CA6: variants seen among roughly 807,000 people sequenced by gnomAD.
CA6 encodes carbonate dehydratase VI.
A neutral mutation model predicts 35.9 loss-of-function variants in CA6; 28 were observed. The ratio of observed to expected loss-of-function variants is 0.78; its 90% CI spans 0.58 to 1.07. CA6 has a LOEUF of 1.07. CA6 is among the 50% of genes least tolerant of loss of function. The pLI is 0.00. For synonymous variants in CA6, 148 were observed against 152.6 expected, an observed-to-expected ratio of 0.97 and a Z score of 0.22; for missense variants, 377 against 382.0, an observed-to-expected ratio of 0.99 and a Z score of 0.11.
At chr1:8,973,621 G>A (rs945898138) in intron 7 of CA6, among the ~76,000 whole-genome samples, 1 of 152,084 alleles carries the variant, frequency 6.6e-6, no homozygotes, top group Non-Finnish European at 1.5e-5. Flanking sequence ...CAGGGAACCC[G>A]AATTGTGGCC....
chr1:8,950,367 C>G (rs1241295646), intron 2 of CA6, among the ~76,000 whole-genome samples: 1 of 152,076 alleles, frequency 6.6e-6, no homozygotes, highest in Non-Finnish European at 1.5e-5. Context: ...AGCCTCATGA[C>G]CACCCCAGGA....
intron 2 of CA6, among the ~76,000 whole-genome samples, chr1:8,950,804 G>A (rs969974711): frequency 5.3e-5 from 8 of 151,854 alleles, no homozygotes; most frequent in African/African-American, 1.9e-4. Flanking sequence ...GGAGGTCAAG[G>A]TTGTGGTGAG....
At chr1:8,946,603 C>T (rs572763779) in intron 1 of CA6, among the ~76,000 whole-genome samples, 10 of 152,102 alleles carry the variant, frequency 6.6e-5, no homozygotes, top group African/African-American at 2.2e-4. Flanking sequence ...ATTTGTAAAA[C>T]CATTTGCTTT....
Position 8,945,963 on chromosome 1 carries a change from C to A in CA6, c.77C>A (p.Ser26Ter). The A allele has an allele frequency of 6.2e-7, 1 of 1,609,612 alleles. No individual in the cohort carries two copies. The highest frequency in any genetic ancestry group is 8.5e-7 in the Non-Finnish European group (1 of 1,176,064). The stretch of plus-strand genomic sequence containing the variant: ...CAGCATGTGTCTGACTGGACCTACT[C>A]AGGTGAGCCCCTAGCTTCTGCATGC... The part of the protein sequence containing the change: ...QAQHVSDWTY[S>*]EGALDEAHWP... The change falls in exon 1 of 8, where the codon TCA (serine) becomes TAA (stop). Residue 26 changes from serine (S) to a stop codon, truncating the protein, a stop_gained and splice_region_variant. Transcript: ENST00000377443. LOFTEE classifies it high-confidence loss of function.
At chr1:8,952,848 G>T (rs966855412) in intron 2 of CA6, among the ~76,000 whole-genome samples, 1 of 151,882 alleles carries the variant, frequency 6.6e-6, no homozygotes, top group Non-Finnish European at 1.5e-5. Context: ...GTACAGACAG[G>T]GTGTCACCAT....
intron 2 of CA6, among the ~76,000 whole-genome samples, chr1:8,950,061 C>T (rs1639484695): frequency 6.6e-6 from 1 of 152,182 alleles, no homozygotes; most frequent in East Asian, 1.9e-4. Flanking sequence ...CTCACTGCAA[C>T]CTCCACCTCC....
chr1:8,964,998 C>T (rs1639933251), intron 5 of CA6, among the ~76,000 whole-genome samples: 1 of 152,158 alleles, frequency 6.6e-6, no homozygotes, highest in African/African-American at 2.4e-5. Flanking sequence ...AATCCCCTCA[C>T]TTTGGGAGGC....
chr1:8,973,959 T>C (rs1272981358), intron 7 of CA6, among the ~76,000 whole-genome samples: 1 of 151,986 alleles, frequency 6.6e-6, no homozygotes, highest in East Asian at 1.9e-4. Context: ...CCCAAGTAGC[T>C]GGGAGTAGCA....
rs1290528203 is a variant in CA6 at position 8,970,876 on chromosome 1, C to G, written c.739C>G (p.Leu247Val). The G allele has an allele frequency of 6.2e-7, 1 of 1,610,712 alleles. No individual in the cohort carries two copies. Among genetic ancestry groups the G allele is most frequent in the African/African-American group, 1.3e-5 (1 of 74,844 alleles). The change falls in exon 7 of 8, where the codon CTG becomes GTG. Residue 247 changes from leucine to valine, a missense_variant. Leu to Val is a conservative substitution (Grantham distance 32, BLOSUM62 1). Coordinates refer to ENST00000377443, the MANE Select transcript of CA6 (RefSeq NM_001215.4). ...VKLSRTQVWK[L>V]ENSLLDHRNK... ...CTCACGTTGCCCCCAGGTTTGGAAGCTGGAGAATTCCTTACTGGATCACCG... is the reference window on the plus strand; with the variant it reads ...CTCACGTTGCCCCCAGGTTTGGAAGGTGGAGAATTCCTTACTGGATCACCG...
intron 2 of CA6, among the ~76,000 whole-genome samples, chr1:8,956,558 G>C (rs547092987): frequency 6.6e-6 from 1 of 152,184 alleles, no homozygotes; most frequent in East Asian, 1.9e-4. Context: ...TACTCGGGAG[G>C]CTGAGGTGAT....
At chr1:8,956,863 G>T (rs1639698522) in intron 2 of CA6, among the ~76,000 whole-genome samples, 1 of 152,196 alleles carries the variant, frequency 6.6e-6, no homozygotes, top group South Asian at 2.1e-4. Flanking sequence ...CCTCTGGCCT[G>T]TTGGTTCTGG....
chr1:8,950,141 A>T (rs558804891), intron 2 of CA6, among the ~76,000 whole-genome samples: 1 of 147,842 alleles, frequency 6.8e-6, no homozygotes, highest in African/African-American at 2.7e-5. Context: ...CACCATGCCC[A>T]GCTAATTTTT....
At chr1:8,957,035 G>C in intron 2 of CA6, 102 bp from the exon 3 acceptor site, 2 of 1,079,790 alleles carry the variant, frequency 1.9e-6, no homozygotes, top group Non-Finnish European at 2.6e-6. Context: ...GGCTTGCCCT[G>C]GGCTCAGACA....
chr1:8,973,248 G>A (rs1045140977), intron 7 of CA6, among the ~76,000 whole-genome samples: 2 of 152,130 alleles, frequency 1.3e-5, no homozygotes, highest in African/African-American at 4.8e-5. Flanking sequence ...TTGAACTCCT[G>A]ACCTCAGGTG....
At chr1:8,971,688 C>T (rs748843708) in intron 7 of CA6, among the ~76,000 whole-genome samples, 17 of 152,170 alleles carry the variant, frequency 1.1e-4, no homozygotes, top group Non-Finnish European at 2.1e-4. Context: ...CCACCCCCAA[C>T]GCCTCCTATA....
chr1:8,946,204 A>T (rs1445983300), intron 1 of CA6, among the ~76,000 whole-genome samples: 1 of 151,894 alleles, frequency 6.6e-6, no homozygotes, highest in African/African-American at 2.4e-5. Context: ...TGCCTGGCTA[A>T]TTTTTGTATT....
Position 8,954,173 on chromosome 1 carries a change from G to GT in CA6, c.260-2949dup, listed in dbSNP as rs34159260. Among the ~76,000 whole-genome samples the GT allele has an allele frequency of 9.7e-3, 1,355 of 140,212 alleles. 15 individuals are homozygous for GT. Among genetic ancestry groups the GT allele is most frequent in the African/African-American group, 0.02 (765 of 38,366 alleles). 92.0% of individuals were successfully genotyped at this position (140,212 alleles called of 152,430 possible). On this transcript the variant is annotated intron_variant, in intron 2 of 7. Coordinates refer to ENST00000377443, the MANE Select transcript of CA6 (RefSeq NM_001215.4). Reference sequence around the variant, plus strand: ...AGCCATTCTTTATTCCACTACTTCCGTTTTTTTTTTTTTTTGGAGACAGAA... The same window carrying GT: ...AGCCATTCTTTATTCCACTACTTCCGTTTTTTTTTTTTTTTTGGAGACAGAA...
intron 1 of CA6, among the ~76,000 whole-genome samples, chr1:8,947,094 G>A (rs761506834): frequency 1.2e-4 from 19 of 152,134 alleles, no homozygotes; most frequent in East Asian, 5.8e-4. Context: ...GTGAGCCACC[G>A]CGCCAGGCCC....
chr1:8,954,366 T>C (rs1469801350), intron 2 of CA6, among the ~76,000 whole-genome samples: 1 of 152,224 alleles, frequency 6.6e-6, no homozygotes, highest in African/African-American at 2.4e-5. Flanking sequence ...GGTTTCGCCA[T>C]GTCGGCCAGG....
Sources: gnomAD v4.1 joint callset for allele counts (sites outside exome capture counted in the v4.1 genomes callset) on GRCh38, gnomAD v4.1.1 for gene constraint, MANE v1.5 for transcripts, NCBI Gene and HGNC (gene_info 2026-07-23, HGNC 2026-07-21) for gene names.